The following ACTA2 variants were observed in gnomAD, a reference collection of about 807,000 sequenced individuals.
ACTA2 encodes actin, aortic smooth muscle.
A neutral mutation model predicts 39.5 loss-of-function variants in ACTA2; 12 were observed. The ratio of observed to expected loss-of-function variants is 0.30; its 90% CI spans 0.19 to 0.49. The LOEUF (loss-of-function observed/expected upper bound fraction) is 0.49, where lower values mean the gene tolerates loss of function less well. ACTA2 is among the 20% of genes least tolerant of loss of function. The pLI, the probability that ACTA2 is intolerant of heterozygous loss-of-function variation, is 0.99. For missense variants in ACTA2, 236 were observed against 498.8 expected (o/e 0.47, Z 5.02); for synonymous variants, 158 against 180.6 (o/e 0.88, Z 1.00).
chr10:88,956,420 T>C (rs567881623), upstream of ACTA2, among the ~76,000 whole-genome samples: 3 of 152,348 alleles, frequency 2.0e-5, no homozygotes, highest in South Asian at 6.2e-4. Context: ...CTAATCCTCC[T>C]GTCTCCCTCT....
chr10:88,949,365 A>AC (rs1846009615), intron 1 of ACTA2, among the ~76,000 whole-genome samples: 1 of 152,204 alleles, frequency 6.6e-6, no homozygotes, highest in Admixed American at 6.5e-5. Flanking sequence ...GTCTGTATCA[A>AC]CCCAAATGCA....
At chr10:88,968,447 T>C (rs1457398506) in intron 1 of ACTA2, among the ~76,000 whole-genome samples, 1 of 152,184 alleles carries the variant, frequency 6.6e-6, no homozygotes, top group Non-Finnish European at 1.5e-5. Context: ...ATGACAACAA[T>C]AACTTTATCC....
intron 1 of ACTA2, among the ~76,000 whole-genome samples, chr10:88,968,817 G>T (rs921137370): frequency 2.0e-5 from 3 of 152,176 alleles, no homozygotes; most frequent in Non-Finnish European, 4.4e-5. Flanking sequence ...ATGTTAAAGA[G>T]ATTCTGCAGG....
Position 88,978,398 on chromosome 10 carries a change from A to T in ACTA2, c.-24+12541T>A, listed in dbSNP as rs181247776. Reference sequence around the variant, plus strand: ...CATGTACCCTAAAACTTAAAGTATAATAAAAAATAAATAAATAAATAAATA... The same window carrying T: ...CATGTACCCTAAAACTTAAAGTATATTAAAAAATAAATAAATAAATAAATA... On this transcript the variant is annotated intron_variant, in intron 1 of 4. Coordinates refer to the ACTA2 transcript ENST00000415557. Among the ~76,000 whole-genome samples the T allele has an allele frequency of 5.9e-3, 894 of 152,062 alleles. 11 individuals carry two copies. Among genetic ancestry groups the T allele is most frequent in the African/African-American group, 0.02 (839 of 41,428 alleles).
chr10:88,972,627 G>A lies in ACTA2; in HGVS notation c.-24+18312C>T, dbSNP rs1320663260. Reference sequence around the variant, plus strand: ...CTTTTGGCATTATTTTTACAAAGTTGCTCTAGGGATTACAATATACATCCT... The same window carrying A: ...CTTTTGGCATTATTTTTACAAAGTTACTCTAGGGATTACAATATACATCCT... On this transcript the variant is annotated intron_variant, in intron 1 of 4. Coordinates refer to the ACTA2 transcript ENST00000415557. Among the ~76,000 whole-genome samples, 5 of 151,324 alleles carry A rather than the reference G, an allele frequency of 3.3e-5. No individual in the cohort carries two copies. In the East Asian group the frequency reaches 9.6e-4, roughly 29 times the overall value.
intron 1 of ACTA2, among the ~76,000 whole-genome samples, chr10:88,984,978 G>C (rs533170694): frequency 6.6e-6 from 1 of 152,306 alleles, no homozygotes; most frequent in South Asian, 2.1e-4. Flanking sequence ...AAGCAGTATA[G>C]GTAAATAAAA....
rs769961396 is a variant in ACTA2 at position 88,990,682 on chromosome 10, A to C, written c.-24+257T>G. 7.0e-6 allele frequency: 5 copies of C among 711,822 alleles called. No homozygotes were observed. In the Admixed American group the frequency reaches 8.0e-5, roughly 11 times the overall value. 44.1% of individuals were successfully genotyped at this position (711,822 alleles called of 1,614,324 possible). On this transcript the variant is annotated intron_variant, in intron 1 of 4. Coordinates refer to the ACTA2 transcript ENST00000415557. The surrounding 1 kb of genome is among the most constrained non-coding windows in gnomAD (Gnocchi z 4.9). ...GCAAGAGTGACACACAGGTGTTCAA[A>C]GACGCTTCTGGGGAGTGAGGGAAGC...
intron 1 of ACTA2, among the ~76,000 whole-genome samples, chr10:88,968,602 A>T (rs1846365627): frequency 6.6e-6 from 1 of 152,172 alleles, no homozygotes; most frequent in Admixed American, 6.6e-5. Flanking sequence ...AGAGAAGTGG[A>T]TGTAGGCAAT....
chr10:88,983,270 C>T (rs1421713178), intron 1 of ACTA2, among the ~76,000 whole-genome samples: 1 of 152,026 alleles, frequency 6.6e-6, no homozygotes, highest in African/African-American at 2.4e-5. Flanking sequence ...GAAAGAGTTC[C>T]CTTATCTCAC....
rs886047451 is a variant in ACTA2 at position 88,935,101 on chromosome 10, A to T, written c.*122T>A. 2 of 1,411,636 alleles carry T rather than the reference A, an allele frequency of 1.4e-6. No homozygotes were observed. The highest frequency in any genetic ancestry group is 5.2e-4 in the Middle Eastern group (2 of 3,836). The allele number at this position is 1,411,636 out of a possible 1,614,324, so 87.4% of individuals were successfully genotyped here. A position where few individuals can be genotyped will look rare whatever the true frequency, so the allele number is the denominator to read the frequency against. ...ACCAGTAGCCTATTTCAGATTTATT[A>T]AAAAACACATAGGTAACGAGTCAGA... On this transcript the variant is annotated 3_prime_UTR_variant, in exon 9 of 9. Coordinates refer to ENST00000224784, the MANE Select transcript of ACTA2 (RefSeq NM_001613.4).
chr10:88,986,845 C>A (rs955844072), intron 1 of ACTA2, among the ~76,000 whole-genome samples: 1 of 152,108 alleles, frequency 6.6e-6, no homozygotes, highest in Admixed American at 6.5e-5. Context: ...TGAACTGTGA[C>A]CCCCAAATTA....
chr10:88,977,001 A>G (rs910088949), intron 1 of ACTA2, among the ~76,000 whole-genome samples: 1 of 152,226 alleles, frequency 6.6e-6, no homozygotes, highest in Non-Finnish European at 1.5e-5. Flanking sequence ...ATGTATGCCT[A>G]CATATCCCAA....
At chr10:88,973,459 C>A in intron 1 of ACTA2, 1 of 913,822 alleles carries the variant, frequency 1.1e-6, no homozygotes, top group East Asian at 3.0e-5. Context: ...TAAAGAAAAA[C>A]ACGTCATTTC....
intron 2 of ACTA2, among the ~76,000 whole-genome samples, chr10:88,947,693 C>T (rs1200328869): frequency 6.6e-6 from 1 of 152,172 alleles, no homozygotes; most frequent in Non-Finnish European, 1.5e-5. Flanking sequence ...TTGTCCATCA[C>T]TATAGCAAAT....
intron 1 of ACTA2, among the ~76,000 whole-genome samples, 170 bp downstream of exon 1, chr10:88,952,561 C>T (rs550108109): frequency 9.2e-5 from 14 of 152,294 alleles, no homozygotes; most frequent in East Asian, 3.9e-4. Context: ...CTGTCTTTAA[C>T]GTTAGATCAT....
chr10:88,967,786 C>T (rs1222722670), intron 1 of ACTA2, among the ~76,000 whole-genome samples: 4 of 152,190 alleles, frequency 2.6e-5, no homozygotes, highest in Non-Finnish European at 5.9e-5. Flanking sequence ...TAAATGATGG[C>T]TCACACACCA....
At chr10:88,989,021 C>A (rs146658156) in intron 1 of ACTA2, among the ~76,000 whole-genome samples, 72 of 152,246 alleles carry the variant, frequency 4.7e-4, no homozygotes, top group African/African-American at 1.6e-3. Flanking sequence ...AGAGCAGGAC[C>A]TTGGGAGCAA....
In ACTA2 at chr10:88,941,771, G is replaced by T. The variant is rs547203192; in HGVS notation, c.454+14C>A. On this transcript the variant is annotated intron_variant, in intron 5 of 8. Coordinates refer to ENST00000224784, the MANE Select transcript of ACTA2 (RefSeq NM_001613.4). The stretch of plus-strand genomic sequence containing the variant: ...TGCGCTCCAACCAGCTTGCTGTCCC[G>T]CCCAGCCACCTACCAGTTGTGCGTC... 3 of 1,607,172 alleles carry T rather than the reference G, an allele frequency of 1.9e-6. No homozygotes were observed. The highest frequency in any genetic ancestry group is 1.7e-5 in the Admixed American group (1 of 59,308).
upstream of ACTA2, among the ~76,000 whole-genome samples, chr10:88,955,034 G>GGAAAAAAAAAAAAAAAAAAAAAAAA (rs1846114157): frequency 7.3e-6 from 1 of 137,076 alleles, no homozygotes. Flanking sequence ...AAAAAAAAAA[G>GGAAAAAAAAAAAAAAAAAAAAAAAA]AAGAAGAAGG....
Sources: allele counts gnomAD v4.1 joint callset (sites outside exome capture counted in the v4.1 genomes callset), GRCh38; gene constraint gnomAD v4.1.1; non-coding constraint Gnocchi (gnomAD v3.1); transcripts MANE v1.5; gene names NCBI Gene and HGNC (gene_info 2026-07-23, HGNC 2026-07-21).